MAN1C1: variants seen among roughly 807,000 people sequenced by gnomAD.
The protein encoded by MAN1C1 is mannosyl-oligosaccharide 1,2-alpha-mannosidase IC.
MAN1C1 carries 49 observed loss-of-function variants against 71.5 expected under a neutral mutation model. That is an observed-to-expected ratio of 0.69 (90% confidence interval 0.54 to 0.87). The LOEUF is 0.87. MAN1C1 is among the 40% of genes least tolerant of loss of function. The probability of loss-of-function intolerance (pLI) is 0.00; values close to 1 mark genes in which losing one functional copy is unlikely to be tolerated. For synonymous variants in MAN1C1, 352 were observed against 343.7 expected (o/e 1.02, Z -0.27); for missense variants, 743 against 835.0 (o/e 0.89, Z 1.36).
chr1:25,757,778 T>A (rs2047308770), intron 5 of MAN1C1, among the ~76,000 whole-genome samples: 1 of 152,218 alleles, frequency 6.6e-6, no homozygotes, highest in African/African-American at 2.4e-5. Flanking sequence ...TTCCCTATCC[T>A]ATGATCAAAA....
rs561082363 is a variant in MAN1C1, at chr1:25,701,243, C to A, written c.637+14707C>A. Among the ~76,000 whole-genome samples, 239 of 152,326 alleles carry A rather than the reference C, an allele frequency of 1.6e-3. 2 individuals are homozygous for A. Among genetic ancestry groups the A allele is most frequent in the African/African-American group, 5.5e-3 (228 of 41,574 alleles). On this transcript the variant is annotated intron_variant, in intron 2 of 11. Transcript: ENST00000374332. ...CTGAAAGCCTGCACCTGCTCAGGCA[C>A]CATGGGAAGGGTCCCTTTGCATTGT... is the stretch of plus-strand genomic sequence containing the variant.
chr1:25,632,481 A>G (rs926552925), intron 1 of MAN1C1, among the ~76,000 whole-genome samples: 2 of 151,200 alleles, frequency 1.3e-5, no homozygotes, highest in East Asian at 1.9e-4. Flanking sequence ...GTATTTTTTT[A>G]TGTTTCAATT....
chr1:25,644,514 A>AT (rs1429643822), intron 1 of MAN1C1: 31 of 88,346 alleles, frequency 3.5e-4, no homozygotes, highest in African/African-American at 1.1e-3. Flanking sequence ...ATATATATAT[A>AT]TATATTTTTT....
In MAN1C1 at chr1:25,661,690, G is replaced by A. The variant is rs115751812; in HGVS notation, c.541-24750G>A. Among the ~76,000 whole-genome samples, 267 of 152,316 alleles carry A rather than the reference G, an allele frequency of 1.8e-3. 1 individual carries two copies. Among genetic ancestry groups the A allele is most frequent in the African/African-American group, 6.1e-3 (255 of 41,568 alleles). On this transcript the variant is annotated intron_variant, in intron 1 of 11. Coordinates refer to ENST00000374332, the MANE Select transcript of MAN1C1 (RefSeq NM_020379.4). The stretch of plus-strand genomic sequence containing the variant: ...GAAGCAGAGCCACAGTTTTATTAGA[G>A]TTCGTGAAAATGGGATGTCTCCTCC...
intron 2 of MAN1C1, among the ~76,000 whole-genome samples, 160 bp downstream of exon 2, chr1:25,686,696 G>A (rs1279814155): frequency 6.6e-6 from 1 of 152,144 alleles, no homozygotes; most frequent in African/African-American, 2.4e-5. Flanking sequence ...GGGCTTTTCA[G>A]GCTTCTGAGT....
At chr1:25,635,438 CTTTTTTT>C (rs747915977) in intron 1 of MAN1C1, among the ~76,000 whole-genome samples, 1 of 131,506 alleles carries the variant, frequency 7.6e-6, no homozygotes, top group Non-Finnish European at 1.7e-5. Flanking sequence ...TTCTTTCTTT[CTTTTTTT>C]TTTTTTTTTT....
chr1:25,635,805 T>C (rs1456244690), intron 1 of MAN1C1, among the ~76,000 whole-genome samples: 1 of 152,206 alleles, frequency 6.6e-6, no homozygotes, highest in Non-Finnish European at 1.5e-5. Context: ...TTAATTCCTG[T>C]TATGGCAATT....
At chr1:25,668,649 G>A (rs2045955682) in intron 1 of MAN1C1, among the ~76,000 whole-genome samples, 1 of 151,262 alleles carries the variant, frequency 6.6e-6, no homozygotes. Context: ...TCCGCCTCCT[G>A]GGTTCACGTC....
At chr1:25,628,460 AC>A (rs1349913345) in intron 1 of MAN1C1, among the ~76,000 whole-genome samples, 1 of 151,920 alleles carries the variant, frequency 6.6e-6, no homozygotes, top group East Asian at 1.9e-4. Context: ...GGTGCATGTC[AC>A]CATGCCTGGC....
chr1:25,760,950 A>G (rs533056941), intron 6 of MAN1C1: 60 of 152,364 alleles, frequency 3.9e-4, no homozygotes, highest in African/African-American at 1.4e-3. Flanking sequence ...GCTGTGCTCC[A>G]TGGTCACGGC....
chr1:25,651,893 C>G (rs866272631), intron 1 of MAN1C1, among the ~76,000 whole-genome samples: 1 of 152,206 alleles, frequency 6.6e-6, no homozygotes, highest in Non-Finnish European at 1.5e-5. Context: ...AGGGTGTTAG[C>G]AACATGTTCC....
At chr1:25,708,038 T>C (rs544562925) in intron 2 of MAN1C1, among the ~76,000 whole-genome samples, 106 of 152,340 alleles carry the variant, frequency 7.0e-4, no homozygotes, top group African/African-American at 2.4e-3. Context: ...AGAAAGTTCA[T>C]TGGACCTTAC....
In MAN1C1 at chr1:25,696,409, A is replaced by AT. The variant is rs58557558; in HGVS notation, c.637+9883dup. The stretch of plus-strand genomic sequence containing the variant: ...CCCTGGTCTTCTAACTTGAGCCTCT[A>AT]TTTTTTTTTTGTTTTAAAATTACTT... On this transcript the variant is annotated intron_variant, in intron 2 of 11. Coordinates refer to ENST00000374332, the MANE Select transcript of MAN1C1 (RefSeq NM_020379.4). Among the ~76,000 whole-genome samples, 250 of 149,078 alleles carry AT rather than the reference A, an allele frequency of 1.7e-3. 1 individual carries two copies. The highest frequency in any genetic ancestry group is 8.1e-3 in the South Asian group (38 of 4,708).
In MAN1C1 at chr1:25,783,884, C is replaced by T; in HGVS notation, c.*95C>T. On this transcript the variant is annotated 3_prime_UTR_variant, in exon 12 of 12. Coordinates refer to ENST00000374332, the MANE Select transcript of MAN1C1 (RefSeq NM_020379.4). ...TCAAAGGGATTGGGAACGAAGGCCC[C>T]ATCTCGGGCAGACCCCCAGCAGATG... The T allele has an allele frequency of 6.8e-7, 1 of 1,463,838 alleles. No homozygotes were observed. Among genetic ancestry groups the T allele is most frequent in the African/African-American group, 1.4e-5 (1 of 71,546 alleles). The allele number at this position is 1,463,838 out of a possible 1,614,324, so 90.7% of individuals were successfully genotyped here.
intron 2 of MAN1C1, among the ~76,000 whole-genome samples, chr1:25,723,875 G>A (rs2046798875): frequency 1.3e-5 from 2 of 152,198 alleles, no homozygotes; most frequent in Non-Finnish European, 2.9e-5. Context: ...TAGAGGCTGG[G>A]ACTGGAGAAA....
At chr1:25,662,680 C>T (rs935531184) in intron 1 of MAN1C1, among the ~76,000 whole-genome samples, 6 of 152,170 alleles carry the variant, frequency 3.9e-5, no homozygotes, top group Non-Finnish European at 8.8e-5. Context: ...ACCTGTAATC[C>T]TAGCACTTTG....
chr1:25,695,063 T>C (rs1381263710), intron 2 of MAN1C1, among the ~76,000 whole-genome samples: 18 of 152,094 alleles, frequency 1.2e-4, no homozygotes, highest in Admixed American at 1.2e-3. Context: ...CCATAACTAC[T>C]TGATGAGTTT....
At chr1:25,714,630 ATGTCCACTAATTCTCAGAT>A (rs2046656255) in intron 2 of MAN1C1, among the ~76,000 whole-genome samples, 1 of 152,180 alleles carries the variant, frequency 6.6e-6, no homozygotes, top group African/African-American at 2.4e-5. Context: ...AAGAAGATAA[ATGTCCACTAATTCTCAGAT>A]TAACATTTTA....
intron 1 of MAN1C1, chr1:25,644,518 A>ATTTTTTTTTTTTT (rs1203077345): frequency 2.5e-5 from 1 of 40,290 alleles, no homozygotes; most frequent in Non-Finnish European, 3.6e-5. Context: ...ATATATATAT[A>ATTTTTTTTTTTTT]TTTTTTTTTT....
Sources: gnomAD v4.1 joint callset for allele counts (sites outside exome capture counted in the v4.1 genomes callset) on GRCh38, gnomAD v4.1.1 for gene constraint, MANE v1.5 for transcripts, NCBI Gene and HGNC (gene_info 2026-07-23, HGNC 2026-07-21) for gene names.